PCDHA8: variants seen among roughly 807,000 people sequenced by gnomAD.
PCDHA8 encodes protocadherin alpha 8.
PCDHA8 carries 53 observed loss-of-function variants against 61.8 expected under a neutral mutation model. That is an observed-to-expected ratio of 0.86 (90% CI 0.69 to 1.08). The LOEUF (loss-of-function observed/expected upper bound fraction) is 1.08, where lower values mean the gene tolerates loss of function less well. Among genes scored for constraint, PCDHA8 ranks in the 50% least tolerant of loss-of-function variants. The pLI is 0.00. For missense variants in PCDHA8, 1,293 were observed against 1,245.0 expected, an observed-to-expected ratio of 1.04 and a Z score of -0.58; for synonymous variants, 618 against 556.6, an observed-to-expected ratio of 1.11 and a Z score of -1.55.
At chr5:140,905,787 G>A (rs1468265319) in intron 1 of PCDHA8, among the ~76,000 whole-genome samples, 1 of 152,012 alleles carries the variant, frequency 6.6e-6, no homozygotes, top group Non-Finnish European at 1.5e-5. Context: ...TATTAGTCAG[G>A]GTTCTCTAGA....
At chr5:140,907,913 C>T (rs2073688326) in intron 1 of PCDHA8, among the ~76,000 whole-genome samples, 1 of 152,234 alleles carries the variant, frequency 6.6e-6, no homozygotes, top group Non-Finnish European at 1.5e-5. Context: ...TTTTTGACCA[C>T]TCAGAGAGGT....
chr5:140,999,814 G>A (rs143341016), intron 3 of PCDHA8, among the ~76,000 whole-genome samples: 1 of 152,286 alleles, frequency 6.6e-6, no homozygotes, highest in African/African-American at 2.4e-5. Context: ...CAAAGCAAGA[G>A]CTGTGGCTTT....
rs2098421094 is a variant in PCDHA8 at position 141,011,574 on chromosome 5, TAAATC to T, written c.*1640_*1644del. ...GAAAGACACAGTAAAATTTCTTTCT[TAAATC>T]AAGATACTGGTGATTCAAGGAATTT... On this transcript the variant is annotated 3_prime_UTR_variant, in exon 4 of 4. Transcript: ENST00000531613. 1.3e-5 allele frequency: 2 copies of T among 153,802 alleles called. No individual in the cohort carries two copies. 9.5% of individuals were successfully genotyped at this position (153,802 alleles called of 1,614,324 possible).
chr5:140,995,353 G>A lies in PCDHA8; in HGVS notation c.2542+12790G>A, dbSNP rs922727759. 8.5e-5 allele frequency among the ~76,000 whole-genome samples: 13 copies of A among 152,138 alleles called. 1 individual carries two copies. The highest frequency in any genetic ancestry group is 4.2e-4 in the South Asian group (2 of 4,804). ...GTAGTGTAGACGGCATGGATAGGTC[G>A]GACAGAGGGATGATTCACGTACTGG... On this transcript the variant is annotated intron_variant, in intron 3 of 3. Transcript: ENST00000531613.
At chr5:140,998,881 T>C (rs892142070) in intron 3 of PCDHA8, among the ~76,000 whole-genome samples, 13 of 152,224 alleles carry the variant, frequency 8.5e-5, no homozygotes, top group Admixed American at 2.6e-4. Flanking sequence ...ATAAGTTTAG[T>C]TGAATAAATA....
At chr5:140,969,588 T>A in intron 1 of PCDHA8, 1 of 849,870 alleles carries the variant, frequency 1.2e-6, no homozygotes, top group Non-Finnish European at 1.8e-6. Context: ...GGATTAGTCT[T>A]AATATTTAAT....
chr5:140,852,598 AT>A, intron 1 of PCDHA8: 1 of 898,436 alleles, frequency 1.1e-6, no homozygotes, highest in Non-Finnish European at 1.3e-6. Context: ...TTTTTTTGTC[AT>A]TTTCTTTCAA....
At chr5:140,987,585 A>G (rs575330361) in intron 3 of PCDHA8, among the ~76,000 whole-genome samples, 2 of 152,236 alleles carry the variant, frequency 1.3e-5, no homozygotes, top group East Asian at 3.8e-4. Flanking sequence ...AAATGGGGAG[A>G]ATAGTGGTGT....
chr5:140,845,035 G>GC (rs1258686768), intron 1 of PCDHA8, among the ~76,000 whole-genome samples: 16 of 149,032 alleles, frequency 1.1e-4, no homozygotes, highest in African/African-American at 3.7e-4. Flanking sequence ...GCATATTTTA[G>GC]CCCCCTTGTC....
chr5:140,843,885 G>A, intron 1 of PCDHA8, 170 bp downstream of exon 1: 1 of 709,038 alleles, frequency 1.4e-6, no homozygotes, highest in South Asian at 2.0e-5. Context: ...GCATAATACA[G>A]TATTAATCAT....
chr5:140,895,225 G>A (rs1472993401), intron 1 of PCDHA8, among the ~76,000 whole-genome samples: 1 of 152,050 alleles, frequency 6.6e-6, no homozygotes, highest in African/African-American at 2.4e-5. Flanking sequence ...ATTTTACTGA[G>A]TTTTCTCATC....
intron 1 of PCDHA8, among the ~76,000 whole-genome samples, chr5:140,913,939 A>G (rs1175115466): frequency 1.3e-5 from 2 of 152,116 alleles, no homozygotes. Flanking sequence ...TCAGAGAAGA[A>G]TCTTGATATG....
chr5:140,916,831 G>A (rs1038292722), intron 1 of PCDHA8, among the ~76,000 whole-genome samples: 22 of 152,082 alleles, frequency 1.4e-4, no homozygotes, highest in Non-Finnish European at 2.9e-4. Context: ...CTATCCCTCT[G>A]GTTCTGAGCC....
chr5:140,857,081 A>G, intron 1 of PCDHA8: 1 of 1,597,048 alleles, frequency 6.3e-7, no homozygotes, highest in African/African-American at 1.3e-5. Context: ...TGAAAATGAT[A>G]ATTCACCTGA....
At chr5:140,875,597 G>T in intron 1 of PCDHA8, 1 of 1,613,960 alleles carries the variant, frequency 6.2e-7, no homozygotes, top group African/African-American at 1.3e-5. Flanking sequence ...GCCAAACACG[G>T]CACCTTCGTG....
At chr5:140,844,934 G>T (rs1554140786) in intron 1 of PCDHA8, among the ~76,000 whole-genome samples, 1 of 149,226 alleles carries the variant, frequency 6.7e-6, no homozygotes, top group African/African-American at 2.5e-5. Context: ...GGGAATGAAC[G>T]ATTTCTGGGA....
chr5:140,949,978 C>T (rs557456282), intron 1 of PCDHA8, among the ~76,000 whole-genome samples: 1 of 151,916 alleles, frequency 6.6e-6, no homozygotes, highest in East Asian at 1.9e-4. Context: ...AGCATACATA[C>T]TTAACTTTTC....
At chr5:140,863,829 T>A (rs2048195193) in intron 1 of PCDHA8, 1 of 199,822 alleles carries the variant, frequency 5.0e-6, no homozygotes, top group East Asian at 1.2e-4. Flanking sequence ...TGAAACTCCA[T>A]CTCTACTAAA....
chr5:140,841,882 T>A lies in PCDHA8; in HGVS notation c.561T>A (p.Asp187Glu). The change falls in exon 1 of 4, where the codon GAT (aspartate) becomes GAA (glutamate). Residue 187 changes from aspartate to glutamate, a missense_variant. Asp to Glu is a conservative substitution (Grantham distance 45, BLOSUM62 2). Transcript: ENST00000531613. ...TGCTAGATGTGAATTCAAAGAACGA[T>A]GAGAATAAACTGGTTGAGCTCGTAT... ...YFMLDVNSKNDENKLVELVLR... is the reference protein window; with the variant it reads ...YFMLDVNSKNEENKLVELVLR... 1 of 1,613,800 alleles carries A rather than the reference T, an allele frequency of 6.2e-7. No homozygotes were observed. Among genetic ancestry groups the A allele is most frequent in the Non-Finnish European group, 8.5e-7 (1 of 1,179,818 alleles).
Sources: allele counts gnomAD v4.1 joint callset (sites outside exome capture counted in the v4.1 genomes callset), GRCh38; gene constraint gnomAD v4.1.1; transcripts MANE v1.5; gene names NCBI Gene and HGNC (gene_info 2026-07-23, HGNC 2026-07-21).